PTPRD: variants seen among roughly 807,000 people sequenced by gnomAD.
PTPRD encodes the protein protein tyrosine phosphatase receptor type D.
A neutral mutation model predicts 214.5 loss-of-function variants in PTPRD; 34 were observed. That is an observed-to-expected ratio of 0.16 (90% CI 0.12 to 0.21). The LOEUF (loss-of-function observed/expected upper bound fraction) is 0.21, where lower values mean the gene tolerates loss of function less well. Ranked by LOEUF, PTPRD falls within the 10% of genes least tolerant of loss-of-function variation. PTPRD has a pLI of 1.00. For missense variants in PTPRD, 2,545 were observed against 2,398.7 expected, an observed-to-expected ratio of 1.06 and a Z score of -1.27; for synonymous variants, 1,128 against 845.7, an observed-to-expected ratio of 1.33 and a Z score of -5.79.
chr9:10,460,474 G>A (rs1369983312), intron 2 of PTPRD, among the ~76,000 whole-genome samples: 1 of 149,578 alleles, frequency 6.7e-6, no homozygotes, highest in Admixed American at 6.7e-5. Context: ...TGATTCAAAA[G>A]TATATTACAA....
chr9:10,298,364 A>C (rs1304805753), intron 3 of PTPRD, among the ~76,000 whole-genome samples: 1 of 148,244 alleles, frequency 6.7e-6, no homozygotes, highest in Admixed American at 6.9e-5. Flanking sequence ...GCCAAATTAG[A>C]GTTCCATTGG....
At chr9:10,322,681 T>C (rs1421986987) in intron 3 of PTPRD, among the ~76,000 whole-genome samples, 1 of 152,076 alleles carries the variant, frequency 6.6e-6, no homozygotes, top group Non-Finnish European at 1.5e-5. Context: ...AGAGGGGAGA[T>C]GGCAATTATC....
chr9:9,575,751 G>A (rs370626350), intron 7 of PTPRD, among the ~76,000 whole-genome samples: 1,587 of 71,472 alleles, frequency 0.022, no homozygotes, highest in Middle Eastern at 0.045. Context: ...AAAAAAGAAA[G>A]AAAGAAAAAG....
chr9:8,785,825 A>C (rs2095927130), intron 11 of PTPRD, among the ~76,000 whole-genome samples: 1 of 152,240 alleles, frequency 6.6e-6, no homozygotes, highest in Non-Finnish European at 1.5e-5. Flanking sequence ...ATACAAATAG[A>C]AACTAGCAAA....
intron 11 of PTPRD, among the ~76,000 whole-genome samples, chr9:8,889,412 A>G (rs74642755): frequency 0.018 from 2,758 of 152,288 alleles, 78 homozygotes; most frequent in African/African-American, 0.063. Context: ...ATAATGAGCA[A>G]ATCATACACT....
chr9:9,085,414 G>A (rs2099765600), intron 10 of PTPRD, among the ~76,000 whole-genome samples: 1 of 152,156 alleles, frequency 6.6e-6, no homozygotes, highest in African/African-American at 2.4e-5. Flanking sequence ...GATGCGAATA[G>A]TGCATATGTA....
At chr9:10,188,053 T>A (rs1364399809) in intron 3 of PTPRD, among the ~76,000 whole-genome samples, 2 of 152,202 alleles carry the variant, frequency 1.3e-5, no homozygotes, top group Non-Finnish European at 2.9e-5. Flanking sequence ...ACACCATTTC[T>A]TCTCATGTTT....
At chr9:9,069,430 G>C (rs111786829) in intron 10 of PTPRD, among the ~76,000 whole-genome samples, 4 of 152,300 alleles carry the variant, frequency 2.6e-5, no homozygotes, top group African/African-American at 7.2e-5. Flanking sequence ...AGAGAGAAAA[G>C]TGGTTAATTT....
intron 4 of PTPRD, among the ~76,000 whole-genome samples, chr9:9,942,125 C>T (rs1030657703): frequency 1.3e-5 from 2 of 152,134 alleles, no homozygotes; most frequent in East Asian, 1.9e-4. Context: ...CCATGCTTCC[C>T]ATTTCCCACC....
chr9:8,836,225 C>G (rs897836676), intron 11 of PTPRD, among the ~76,000 whole-genome samples: 14 of 152,058 alleles, frequency 9.2e-5, no homozygotes, highest in Admixed American at 2.0e-4. Context: ...TGAATTAATT[C>G]AGGCGTAAAT....
At chr9:8,416,480 C>G (rs929864172) in intron 35 of PTPRD, among the ~76,000 whole-genome samples, 1 of 152,094 alleles carries the variant, frequency 6.6e-6, no homozygotes, top group African/African-American at 2.4e-5. Flanking sequence ...AAGAGAGTTG[C>G]AGAATACTTT....
At chr9:8,513,394 C>G (rs1288865702) in intron 21 of PTPRD, among the ~76,000 whole-genome samples, 1 of 152,038 alleles carries the variant, frequency 6.6e-6, no homozygotes, top group Non-Finnish European at 1.5e-5. Context: ...TGAGACTTCT[C>G]TCTTAAACTC....
At chr9:10,473,391 C>G (rs12005888) in intron 2 of PTPRD, among the ~76,000 whole-genome samples, 1 of 152,036 alleles carries the variant, frequency 6.6e-6, no homozygotes, top group Non-Finnish European at 1.5e-5. Flanking sequence ...TAGCATGTCT[C>G]ACTTTTATCT....
intron 10 of PTPRD, among the ~76,000 whole-genome samples, chr9:9,061,964 T>C (rs146745776): frequency 6.6e-6 from 1 of 151,924 alleles, no homozygotes; most frequent in African/African-American, 2.4e-5. Flanking sequence ...GAACCGACTG[T>C]GGGAGTAGAA....
At chr9:9,426,923 G>C (rs908409418) in intron 8 of PTPRD, among the ~76,000 whole-genome samples, 18 of 152,084 alleles carry the variant, frequency 1.2e-4, no homozygotes, top group African/African-American at 3.9e-4. Context: ...CATCATCAAA[G>C]ACCAAAGGTA....
At chr9:9,109,772 A>T (rs2154448237) in intron 10 of PTPRD, among the ~76,000 whole-genome samples, 1 of 152,224 alleles carries the variant, frequency 6.6e-6, no homozygotes, top group Non-Finnish European at 1.5e-5. Context: ...GTTGTTTAAT[A>T]TCAACATTTA....
chr9:9,625,854 A>C (rs1416292828), intron 7 of PTPRD, among the ~76,000 whole-genome samples: 1 of 152,210 alleles, frequency 6.6e-6, no homozygotes, highest in East Asian at 1.9e-4. Flanking sequence ...TTAGGGAACC[A>C]GCTCTCTGGT....
intron 14 of PTPRD, among the ~76,000 whole-genome samples, chr9:8,609,695 C>T (rs1356078410): frequency 1.3e-5 from 2 of 152,122 alleles, no homozygotes; most frequent in African/African-American, 4.8e-5. Flanking sequence ...CACTATTTAA[C>T]TCAAGTTTAT....
chr9:9,119,422 G>A (rs1297905137), intron 10 of PTPRD, among the ~76,000 whole-genome samples: 1 of 151,988 alleles, frequency 6.6e-6, no homozygotes, highest in Non-Finnish European at 1.5e-5. Flanking sequence ...CTATTTTCTG[G>A]ACAAAATTAA....
Sources: allele counts gnomAD v4.1 joint callset (sites outside exome capture counted in the v4.1 genomes callset), GRCh38; gene constraint gnomAD v4.1.1; transcripts MANE v1.5; gene names NCBI Gene and HGNC (gene_info 2026-07-23, HGNC 2026-07-21).